Variants in ZNF503 observed in about 807,000 individuals in gnomAD.
ZNF503 encodes zinc finger protein 503.
In ZNF503, 15 loss-of-function variants were observed where a neutral mutation model predicts 34.4. The ratio of observed to expected loss-of-function variants is 0.44; its 90% confidence interval spans 0.29 to 0.67. The LOEUF is 0.67. ZNF503 is among the 30% of genes least tolerant of loss of function. The pLI, the probability that ZNF503 is intolerant of heterozygous loss-of-function variation, is 0.13. For missense variants in ZNF503, 1,007 were observed against 926.8 expected (o/e 1.09, Z -1.12); for synonymous variants, 580 against 456.8 (o/e 1.27, Z -3.44).
the ZNF503 span, among the ~76,000 whole-genome samples, chr10:75,280,947 C>T: frequency 1.3e-5 from 2 of 151,984 alleles, no homozygotes; most frequent in African/African-American, 4.8e-5. Context: ...TGGGCGAGAG[C>T]GGCTGCTTCA....
chr10:75,383,805 T>C, the ZNF503 span, among the ~76,000 whole-genome samples: 2 of 152,230 alleles, frequency 1.3e-5, no homozygotes, highest in African/African-American at 4.8e-5. Flanking sequence ...GTACAAACCC[T>C]GTCCTGAACC....
At chr10:75,287,549 T>C in the ZNF503 span, among the ~76,000 whole-genome samples, 2 of 152,262 alleles carry the variant, frequency 1.3e-5, no homozygotes, top group South Asian at 2.1e-4. Context: ...TCCTGTTACC[T>C]ACCCTCCCAT....
Position 75,400,175 on chromosome 10 carries a change from T to A in ZNF503, c.515A>T (p.Lys172Met), listed in dbSNP as rs1450873152. Residue 172 changes from lysine (K) to methionine (M), a missense_variant, in exon 2 of 2, where the codon AAG becomes ATG. Lys to Met is a moderately conservative substitution (Grantham distance 95). Coordinates refer to ENST00000372524, the MANE Select transcript of ZNF503 (RefSeq NM_032772.6). ...TTTGGAGTACGGCTTGAAACTCGAC[T>A]TGTCCTCCACGCCGATGTCGCTCAG... ...LKLSDIGVED[K>M]SSFKPYSKPG... is the part of the protein sequence containing the mutation. The A allele has an allele frequency of 3.2e-6, 5 of 1,573,736 alleles. No individual in the cohort carries two copies. The highest frequency in any genetic ancestry group is 4.3e-6 in the Non-Finnish European group (5 of 1,161,682).
At chr10:75,354,718 A>G in the ZNF503 span, among the ~76,000 whole-genome samples, 1 of 152,132 alleles carries the variant, frequency 6.6e-6, no homozygotes, top group South Asian at 2.1e-4. Flanking sequence ...TCTTAAAACA[A>G]AACAAAACAA....
the ZNF503 span, among the ~76,000 whole-genome samples, chr10:75,337,284 G>T: frequency 6.6e-6 from 1 of 151,734 alleles, no homozygotes; most frequent in South Asian, 2.1e-4. Flanking sequence ...AGCCGAGATC[G>T]TGCTACTGCC....
chr10:75,359,656 A>C, the ZNF503 span, among the ~76,000 whole-genome samples: 1 of 152,228 alleles, frequency 6.6e-6, no homozygotes, highest in Non-Finnish European at 1.5e-5. Context: ...TGGGGTCCCC[A>C]GGAGTCAGCC....
the ZNF503 span, among the ~76,000 whole-genome samples, chr10:75,285,048 G>C: frequency 2.0e-5 from 3 of 152,146 alleles, no homozygotes; most frequent in Admixed American, 1.3e-4. Flanking sequence ...ATCATGGTTT[G>C]TTTTCCATCT....
chr10:75,374,330 A>C, the ZNF503 span, among the ~76,000 whole-genome samples: 1 of 152,090 alleles, frequency 6.6e-6, no homozygotes, highest in Admixed American at 6.5e-5. Flanking sequence ...AAACAAACAA[A>C]AAACAAAGTA....
chr10:75,366,910 AGCTT>A, the ZNF503 span, among the ~76,000 whole-genome samples: 3,784 of 152,238 alleles, frequency 0.025, 144 homozygotes, highest in African/African-American at 0.087. Context: ...CCGCACTACT[AGCTT>A]GCTTAATATA....
chr10:75,346,136 T>TC, the ZNF503 span, among the ~76,000 whole-genome samples: 1 of 152,112 alleles, frequency 6.6e-6, no homozygotes. Context: ...GGGATGGAGA[T>TC]CCTGAGAGGT....
the ZNF503 span, among the ~76,000 whole-genome samples, chr10:75,311,670 C>CAAAAAAAAA: frequency 9.2e-6 from 1 of 109,270 alleles, no homozygotes; most frequent in African/African-American, 3.3e-5. Context: ...CTAAAAATAC[C>CAAAAAAAAA]AAAAAAAAAA....
At chr10:75,295,118 A>G in the ZNF503 span, among the ~76,000 whole-genome samples, 1 of 150,570 alleles carries the variant, frequency 6.6e-6, no homozygotes, top group South Asian at 2.1e-4. This position sits in a 1 kb window ranked among gnomAD's most constrained non-coding sequence, Gnocchi z 4.0. Context: ...CCGGGAGGGG[A>G]CGCGCGGGAG....
At chr10:75,378,186 C>G in the ZNF503 span, among the ~76,000 whole-genome samples, 1 of 152,188 alleles carries the variant, frequency 6.6e-6, no homozygotes, top group East Asian at 1.9e-4. Context: ...GATTACATTT[C>G]AACATGAGAT....
At chr10:75,304,129 T>G in the ZNF503 span, among the ~76,000 whole-genome samples, 1 of 152,194 alleles carries the variant, frequency 6.6e-6, no homozygotes, top group African/African-American at 2.4e-5. Flanking sequence ...CCACCACGCC[T>G]TTTGGCCAAA....
the ZNF503 span, among the ~76,000 whole-genome samples, chr10:75,294,988 A>C: frequency 6.6e-6 from 1 of 152,102 alleles, no homozygotes; most frequent in African/African-American, 2.4e-5. Context: ...CTGGCAGAGC[A>C]CTTCAAAGGC....
the ZNF503 span, among the ~76,000 whole-genome samples, chr10:75,316,038 A>C: frequency 6.6e-6 from 1 of 152,250 alleles, no homozygotes; most frequent in Non-Finnish European, 1.5e-5. Context: ...ATAAACATAT[A>C]TATGCAGCCA....
At chr10:75,395,587 G>C (rs1028083022), downstream of ZNF503, among the ~76,000 whole-genome samples, 1 of 152,132 alleles carries the variant, frequency 6.6e-6, no homozygotes, top group Non-Finnish European at 1.5e-5. This position sits in a 1 kb window ranked among gnomAD's most constrained non-coding sequence, Gnocchi z 4.4. Flanking sequence ...AGAGTCGGGG[G>C]GCGCGCCTTG....
At chr10:75,397,352 C>T (rs1843713323), downstream of ZNF503, among the ~76,000 whole-genome samples, 1 of 152,184 alleles carries the variant, frequency 6.6e-6, no homozygotes, top group South Asian at 2.1e-4. Context: ...GACACAGGTT[C>T]CCCCAGCGCC....
the ZNF503 span, among the ~76,000 whole-genome samples, chr10:75,320,921 G>A: frequency 6.6e-6 from 1 of 152,106 alleles, no homozygotes; most frequent in Admixed American, 6.6e-5. Context: ...TACCATTTGG[G>A]GAAGTTAGGT....
Sources: allele counts gnomAD v4.1 joint callset (sites outside exome capture counted in the v4.1 genomes callset), GRCh38; gene constraint gnomAD v4.1.1; non-coding constraint Gnocchi (gnomAD v3.1); transcripts MANE v1.5; gene names NCBI Gene and HGNC (gene_info 2026-07-23, HGNC 2026-07-21).